RICTOR: variants seen among roughly 807,000 people sequenced by gnomAD.
RICTOR encodes rapamycin-insensitive companion of mTOR.
In RICTOR, 49 loss-of-function variants were observed where a neutral mutation model predicts 214.9. The ratio of observed to expected loss-of-function variants is 0.23; its 90% CI spans 0.18 to 0.29. The LOEUF (loss-of-function observed/expected upper bound fraction) is 0.29. RICTOR is among the 10% of genes least tolerant of loss of function. The pLI is 1.00. For synonymous variants in RICTOR, 717 were observed against 711.3 expected (o/e 1.01, Z -0.13); for missense variants, 1,625 against 2,047.0 (o/e 0.79, Z 3.98).
chr5:38,984,818 G>A (rs890460675), intron 7 of RICTOR, among the ~76,000 whole-genome samples: 2 of 151,960 alleles, frequency 1.3e-5, no homozygotes, highest in African/African-American at 4.8e-5. Context: ...TGTTGTTGTT[G>A]TTGGTGGTGG....
intron 25 of RICTOR, 41 bp downstream of exon 25, chr5:38,957,611 T>C: frequency 9.3e-7 from 1 of 1,077,976 alleles, no homozygotes; most frequent in Non-Finnish European, 1.4e-6. Flanking sequence ...TTTCAGAAGA[T>C]AAAAACACAC....
chr5:39,045,972 T>C (rs371963375), intron 2 of RICTOR, among the ~76,000 whole-genome samples: 5 of 151,818 alleles, frequency 3.3e-5, no homozygotes, highest in Admixed American at 3.3e-4. Flanking sequence ...ATTTTTATCA[T>C]TAGTTATTCA....
At chr5:38,979,606 G>C (rs1387203764) in intron 8 of RICTOR, among the ~76,000 whole-genome samples, 3 of 152,046 alleles carry the variant, frequency 2.0e-5, no homozygotes, top group South Asian at 4.1e-4. Context: ...GGAGAGGCTT[G>C]GCTACATGGT....
chr5:39,003,001 T>G (rs1309657886), intron 4 of RICTOR, among the ~76,000 whole-genome samples: 1 of 152,110 alleles, frequency 6.6e-6, no homozygotes, highest in African/African-American at 2.4e-5. Flanking sequence ...GCTGTACCAT[T>G]TGTGTCTCTA....
chr5:38,996,767 T>C, intron 6 of RICTOR, 52 bp downstream of exon 6: 1 of 1,080,598 alleles, frequency 9.3e-7, no homozygotes, highest in South Asian at 1.5e-5. Flanking sequence ...AAAATGTAAA[T>C]ATTAACATAA....
At chr5:38,972,761 G>A (rs1395128895) in intron 10 of RICTOR, among the ~76,000 whole-genome samples, 1 of 151,434 alleles carries the variant, frequency 6.6e-6, no homozygotes, top group South Asian at 2.1e-4. Context: ...AGGTATTTAC[G>A]CAAGAGAAAT....
chr5:39,014,906 T>TG (rs1202683900), intron 3 of RICTOR, among the ~76,000 whole-genome samples: 1 of 152,210 alleles, frequency 6.6e-6, no homozygotes, highest in African/African-American at 2.4e-5. Flanking sequence ...AACAGGCTTA[T>TG]ACTTAACAAC....
Position 38,990,783 on chromosome 5 carries a change from G to T in RICTOR, c.583+166C>A, listed in dbSNP as rs1241907098. Among the ~76,000 whole-genome samples, 54 of 65,002 alleles carry T rather than the reference G, an allele frequency of 8.3e-4. 1 individual carries two copies. Among genetic ancestry groups the T allele is most frequent in the South Asian group, 2.6e-3 (5 of 1,958 alleles). The allele number at this position is 65,002 out of a possible 152,430, so 42.6% of individuals were successfully genotyped here. On this transcript the variant is annotated intron_variant, in intron 7 of 37. Transcript: ENST00000357387. Reference sequence around the variant, plus strand: ...TATATGAGATATATGATATATATGAGATATATGAGATATATGATATATATG... The same window carrying T: ...TATATGAGATATATGATATATATGATATATATGAGATATATGATATATATG...
At chr5:38,964,693 A>G (rs935803552) in intron 16 of RICTOR, 99 bp downstream of exon 16, 2 of 544,082 alleles carry the variant, frequency 3.7e-6, no homozygotes, top group Non-Finnish European at 6.2e-6. Flanking sequence ...ATTTCCCACC[A>G]TAACCTATCC....
At position 38,996,893 on chromosome 5, in the gene RICTOR, C is replaced by T. The variant is rs781076471; in HGVS notation, c.393-11G>A. 1.3e-6 allele frequency: 2 copies of T among 1,584,474 alleles called. No homozygotes were observed. Among genetic ancestry groups the T allele is most frequent in the Non-Finnish European group, 1.7e-6 (2 of 1,154,158 alleles). Reference sequence around the variant, plus strand: ...TGTATGTCAATGCACCTAAACAATACACAAAATATTAATCATTGATAAAAT... The same window carrying T: ...TGTATGTCAATGCACCTAAACAATATACAAAATATTAATCATTGATAAAAT... On this transcript the variant is annotated splice_polypyrimidine_tract_variant and intron_variant, in intron 5 of 37. Transcript: ENST00000357387.
intron 10 of RICTOR, among the ~76,000 whole-genome samples, chr5:38,974,318 C>T (rs750158360): frequency 1.7e-4 from 26 of 149,218 alleles, no homozygotes; most frequent in Non-Finnish European, 3.7e-4. Flanking sequence ...AGCGACTGCA[C>T]CCAGCCCCAC....
At chr5:39,058,798 G>A (rs1189404173) in intron 2 of RICTOR, among the ~76,000 whole-genome samples, 3 of 151,804 alleles carry the variant, frequency 2.0e-5, no homozygotes, top group Non-Finnish European at 2.9e-5. Flanking sequence ...ACATAATTAG[G>A]TCAACACAAA....
chr5:38,958,517 G>T lies in RICTOR; in HGVS notation c.2346C>A (p.Ala782=). 1 of 1,604,816 alleles carries T rather than the reference G, an allele frequency of 6.2e-7. No homozygotes were observed. The highest frequency in any genetic ancestry group is 8.5e-7 in the Non-Finnish European group (1 of 1,175,444). ...DILDEACEDK[A]NLHALIQMKP... is the part of the protein sequence containing the mutation. ...TCATCTGAATGAGAGCATGAAGATT[G>T]GCCTAAAAGAGATTATCATTATTTT... Residue 782 remains alanine (A), a splice_region_variant and synonymous_variant, in exon 24 of 38, where the codon GCC becomes GCA. Coordinates refer to ENST00000357387, the MANE Select transcript of RICTOR (RefSeq NM_152756.5).
rs956721309 is a variant in RICTOR at position 39,007,638 on chromosome 5, A to C, written c.196-4016T>G. 4.7e-4 allele frequency among the ~76,000 whole-genome samples: 71 copies of C among 152,126 alleles called. 2 individuals are homozygous for C. The highest frequency in any genetic ancestry group is 4.3e-3 in the Admixed American group (65 of 15,272). On this transcript the variant is annotated intron_variant, in intron 3 of 37. Coordinates refer to ENST00000357387, the MANE Select transcript of RICTOR (RefSeq NM_152756.5). ...GAAGAACAGGCAAAGAAAATGTACA[A>C]GGAATTTACTGAAGAAATATAATTG... is the stretch of plus-strand genomic sequence containing the variant.
In RICTOR at chr5:39,024,732, A is replaced by T. The variant is rs112512213; in HGVS notation, c.98-3596T>A. On this transcript the variant is annotated intron_variant, in intron 2 of 37. Coordinates refer to ENST00000357387, the MANE Select transcript of RICTOR (RefSeq NM_152756.5). ...GCTATCTAATGATCTAACAGGACTA[A>T]TAGTTACGATGATTAGTCTGAAAAG... Among the ~76,000 whole-genome samples, 863 of 152,356 alleles carry T rather than the reference A, an allele frequency of 5.7e-3. 8 individuals carry two copies. Among genetic ancestry groups the T allele is most frequent in the African/African-American group, 0.02 (826 of 41,590 alleles).
intron 2 of RICTOR, among the ~76,000 whole-genome samples, chr5:39,032,619 A>G (rs1756352386): frequency 1.3e-5 from 2 of 152,216 alleles, no homozygotes; most frequent in Non-Finnish European, 2.9e-5. Context: ...CACTACCCCC[A>G]AGATCATAAA....
chr5:39,009,234 TAGATTC>T (rs1382363250), intron 3 of RICTOR, among the ~76,000 whole-genome samples: 1 of 152,174 alleles, frequency 6.6e-6, no homozygotes, highest in East Asian at 1.9e-4. Flanking sequence ...TAGAAAACTA[TAGATTC>T]AGAGAACACA....
At chr5:38,962,269 C>A in intron 19 of RICTOR, 46 bp downstream of exon 19, 2 of 879,848 alleles carry the variant, frequency 2.3e-6, no homozygotes, top group South Asian at 3.3e-5. Flanking sequence ...GCCTAATATC[C>A]ATATTTAAGT....
At chr5:38,945,296 C>T in intron 34 of RICTOR, 195 bp downstream of exon 34, 1 of 610,296 alleles carries the variant, frequency 1.6e-6, no homozygotes. Flanking sequence ...AGGGATCTGT[C>T]AGACTCAGGC....
Sources: allele counts gnomAD v4.1 joint callset (sites outside exome capture counted in the v4.1 genomes callset), GRCh38; gene constraint gnomAD v4.1.1; transcripts MANE v1.5; gene names NCBI Gene and HGNC (gene_info 2026-07-23, HGNC 2026-07-21).